Variants in FZD3 observed in about 807,000 individuals in gnomAD.
FZD3 encodes frizzled-3.
A neutral mutation model predicts 60.7 loss-of-function variants in FZD3; 30 were observed. The observed-to-expected ratio is 0.49, with a 90% CI of 0.37 to 0.67. The LOEUF (loss-of-function observed/expected upper bound fraction) is 0.67. Among genes scored for constraint, FZD3 ranks in the 30% least tolerant of loss-of-function variants. FZD3 has a pLI of 0.00. For missense variants in FZD3, 605 were observed against 838.7 expected (o/e 0.72, Z 3.44); for synonymous variants, 246 against 275.2 (o/e 0.89, Z 1.05).
At position 28,562,755 on chromosome 8, in the gene FZD3, T is replaced by C. The variant is rs1805636153; in HGVS notation, c.1788-43T>C. 2.7e-6 allele frequency: 3 copies of C among 1,096,446 alleles called. No individual in the cohort carries two copies. In the South Asian group the frequency reaches 4.0e-5, roughly 14 times the overall value. The allele number at this position is 1,096,446 out of a possible 1,614,324, so 67.9% of individuals were successfully genotyped here. A position where few individuals can be genotyped will look rare whatever the true frequency, so the allele number is the denominator to read the frequency against. Reference sequence around the variant, plus strand: ...AAATTATTAGTGTTATTATATTTTCTAGTGTGTTCTGTTACCCACTTCAAA... The same window carrying C: ...AAATTATTAGTGTTATTATATTTTCCAGTGTGTTCTGTTACCCACTTCAAA... On this transcript the variant is annotated intron_variant, in intron 7 of 7. Coordinates refer to ENST00000240093, the MANE Select transcript of FZD3 (RefSeq NM_017412.4).
intron 3 of FZD3, among the ~76,000 whole-genome samples, chr8:28,512,574 G>A (rs1308959187): frequency 6.6e-6 from 1 of 151,836 alleles, no homozygotes; most frequent in African/African-American, 2.4e-5. Flanking sequence ...TTTTAAAATA[G>A]TAAAACTAGT....
Position 28,555,692 on chromosome 8 carries a change from G to C in FZD3, c.1554-46G>C, listed in dbSNP as rs144471021. 2.9e-5 allele frequency: 31 copies of C among 1,067,470 alleles called. No homozygotes were observed. The African/African-American group carries it at 4.7e-4, about 16-fold the overall frequency. The allele number at this position is 1,067,470 out of a possible 1,614,324, so 66.1% of individuals were successfully genotyped here. A position where few individuals can be genotyped will look rare whatever the true frequency, so the allele number is the denominator to read the frequency against. On this transcript the variant is annotated intron_variant, in intron 6 of 7. Transcript: ENST00000240093. ...TCAGAGAAGTATTGCTTATTGGTCT[G>C]AAGGAAGATTGGTATGTATCTTAAA...
At chr8:28,506,902 T>C (rs1804156009) in intron 3 of FZD3, among the ~76,000 whole-genome samples, 1 of 152,192 alleles carries the variant, frequency 6.6e-6, no homozygotes, top group African/African-American at 2.4e-5. Context: ...AATAATATAA[T>C]GAAGTGCCAT....
At position 28,527,910 on chromosome 8, in the gene FZD3, G is replaced by C. The variant is rs1165632732; in HGVS notation, c.1150G>C (p.Val384Leu). ...TCTTGCTCCCCTCTGCCTGTATGTGGTAGTTGGGGTTTCTCTCCTCTTAGC... is the reference window on the plus strand; with the variant it reads ...TCTTGCTCCCCTCTGCCTGTATGTGCTAGTTGGGGTTTCTCTCCTCTTAGC... ...FVLAPLCLYV[V>L]VGVSLLLAGI... Residue 384 changes from valine (V) to leucine (L), a missense_variant, in exon 5 of 8, where the codon GTA becomes CTA. Transcript: ENST00000240093. The surrounding 1 kb of genome is among the most constrained non-coding windows in gnomAD (Gnocchi z 5.0). 8 of 1,613,980 alleles carry C rather than the reference G, an allele frequency of 5.0e-6. No individual in the cohort carries two copies. The highest frequency in any genetic ancestry group is 6.8e-6 in the Non-Finnish European group (8 of 1,179,982).
chr8:28,520,937 T>C, intron 4 of FZD3, 103 bp downstream of exon 4: 2 of 603,512 alleles, frequency 3.3e-6, no homozygotes, highest in East Asian at 2.9e-5. Context: ...TTTTGAAGTG[T>C]ACATATTAGT....
At chr8:28,549,919 CCTATT>C (rs1428149778) in intron 5 of FZD3, among the ~76,000 whole-genome samples, 2 of 152,150 alleles carry the variant, frequency 1.3e-5, no homozygotes, top group Non-Finnish European at 2.9e-5. Context: ...TTGGTCCTGG[CCTATT>C]CTTTTAATTT....
intron 2 of FZD3, among the ~76,000 whole-genome samples, chr8:28,502,419 G>A (rs998979655): frequency 3.9e-5 from 6 of 152,212 alleles, no homozygotes; most frequent in South Asian, 4.2e-4. Context: ...TACATGAGAA[G>A]TTGAACCATG....
At chr8:28,533,875 C>T (rs1804943188) in intron 5 of FZD3, among the ~76,000 whole-genome samples, 1 of 151,954 alleles carries the variant, frequency 6.6e-6, no homozygotes, top group African/African-American at 2.4e-5. Flanking sequence ...TATGTGAGTC[C>T]CATGAATTCC....
Position 28,570,641 on chromosome 8 carries a change from A to G in FZD3, c.*7630A>G, listed in dbSNP as rs1805790805. The G allele has an allele frequency of 6.6e-6, 1 of 152,380 alleles. No individual in the cohort carries two copies. The highest frequency in any genetic ancestry group is 6.6e-5 in the Admixed American group (1 of 15,252). The allele number at this position is 152,380 out of a possible 1,614,324, so 9.4% of individuals were successfully genotyped here. Reference sequence around the variant, plus strand: ...CTCTATCTCAAAAAAAAAAAAAGAAAAAAAAAAAAGTAGAGATTGCATTAG... The same window carrying G: ...CTCTATCTCAAAAAAAAAAAAAGAAGAAAAAAAAAGTAGAGATTGCATTAG... On this transcript the variant is annotated 3_prime_UTR_variant, in exon 8 of 8. Transcript: ENST00000240093.
rs1294019039 is a variant in FZD3 at position 28,574,199 on chromosome 8, TGTA to T, written c.*11191_*11193del. ...TGTGAGTGTACAAACTGATTTTAAA[TGTA>T]GTGGTTGTATATTTTGGTTATAAAT... On this transcript the variant is annotated 3_prime_UTR_variant, in exon 8 of 8. Coordinates refer to ENST00000240093, the MANE Select transcript of FZD3 (RefSeq NM_017412.4). 2.0e-5 allele frequency: 3 copies of T among 152,210 alleles called. No individual in the cohort carries two copies. The highest frequency in any genetic ancestry group is 1.9e-4 in the East Asian group (1 of 5,200). The allele number at this position is 152,210 out of a possible 1,614,324, so 9.4% of individuals were successfully genotyped here.
At chr8:28,548,458 G>A (rs914079847) in intron 5 of FZD3, among the ~76,000 whole-genome samples, 8 of 152,094 alleles carry the variant, frequency 5.3e-5, no homozygotes, top group Non-Finnish European at 1.0e-4. Context: ...GAGCCACTGC[G>A]CCTGGCCTGA....
chr8:28,513,437 A>G (rs1458353814), intron 3 of FZD3, among the ~76,000 whole-genome samples: 3 of 152,214 alleles, frequency 2.0e-5, no homozygotes, highest in African/African-American at 7.2e-5. Context: ...CTGAAAAAGT[A>G]TTGGAAGGTA....
At position 28,564,431 on chromosome 8, in the gene FZD3, G is replaced by T. The variant is rs1805669157; in HGVS notation, c.*1420G>T. On this transcript the variant is annotated 3_prime_UTR_variant, in exon 8 of 8. Transcript: ENST00000240093. ...CCTTCCTCTCATACAAATAAGAATT[G>T]GTAGCTTTCTTAAAAAAAAAAAAAA... The T allele has an allele frequency of 8.1e-6, 1 of 123,250 alleles. No homozygotes were observed. The allele number at this position is 123,250 out of a possible 1,614,324, so 7.6% of individuals were successfully genotyped here.
In FZD3 at chr8:28,503,006, C is replaced by G. The variant is rs1207331072; in HGVS notation, c.-8C>G. 1 of 1,605,200 alleles carries G rather than the reference C, an allele frequency of 6.2e-7. No homozygotes were observed. The highest frequency in any genetic ancestry group is 2.2e-5 in the East Asian group (1 of 44,758). On this transcript the variant is annotated 5_prime_UTR_variant, in exon 3 of 8. Transcript: ENST00000240093. ...TGATCATCTGAATCTCCTTCAGACC[C>G]AGGAAGGATGGCTATGACTTGGATT...
chr8:28,536,916 T>A (rs1221946109), intron 5 of FZD3, among the ~76,000 whole-genome samples: 2 of 152,170 alleles, frequency 1.3e-5, no homozygotes, highest in Non-Finnish European at 2.9e-5. Context: ...GAATCAGAAT[T>A]GTTTATGAAA....
chr8:28,499,147 A>G (rs554975495), intron 1 of FZD3, among the ~76,000 whole-genome samples: 1 of 152,290 alleles, frequency 6.6e-6, no homozygotes, highest in South Asian at 2.1e-4. Context: ...AAAATAATGT[A>G]CTATAGGTTC....
Position 28,572,181 on chromosome 8 carries a change from G to A in FZD3, c.*9170G>A, listed in dbSNP as rs1805819258. On this transcript the variant is annotated 3_prime_UTR_variant, in exon 8 of 8. Transcript: ENST00000240093. Reference sequence around the variant, plus strand: ...TTAGAGTCAGGACAAGGAGGTTTTTGCTACATGGTCGTAGTTGGATAATAC... The same window carrying A: ...TTAGAGTCAGGACAAGGAGGTTTTTACTACATGGTCGTAGTTGGATAATAC... 1.3e-5 allele frequency: 2 copies of A among 152,242 alleles called. No homozygotes were observed. The highest frequency in any genetic ancestry group is 2.1e-4 in the South Asian group (1 of 4,818). 9.4% of individuals were successfully genotyped at this position (152,242 alleles called of 1,614,324 possible).
chr8:28,562,787 T>C lies in FZD3; in HGVS notation c.1788-11T>C. 1.3e-6 allele frequency: 2 copies of C among 1,538,312 alleles called. No homozygotes were observed. Among genetic ancestry groups the C allele is most frequent in the Non-Finnish European group, 1.8e-6 (2 of 1,118,494 alleles). On this transcript the variant is annotated splice_polypyrimidine_tract_variant and intron_variant, in intron 7 of 7. Transcript: ENST00000240093. ...TTCTGTTACCCACTTCAAAATAAAC[T>C]CTCATGACAGGTACACGCCCTGCAG...
At chr8:28,561,456 G>A (rs932132187) in intron 7 of FZD3, among the ~76,000 whole-genome samples, 1 of 152,078 alleles carries the variant, frequency 6.6e-6, no homozygotes, top group African/African-American at 2.4e-5. Context: ...TGTGGTGTAT[G>A]AATCTATCTT....
Sources: allele counts gnomAD v4.1 joint callset (sites outside exome capture counted in the v4.1 genomes callset), GRCh38; gene constraint gnomAD v4.1.1; non-coding constraint Gnocchi (gnomAD v3.1); transcripts MANE v1.5; gene names NCBI Gene and HGNC (gene_info 2026-07-23, HGNC 2026-07-21).